The following LRIG3 variants were observed in gnomAD, a reference collection of about 807,000 sequenced individuals.
The protein encoded by LRIG3 is leucine-rich repeats and immunoglobulin-like domains protein 3.
A neutral mutation model predicts 114.5 loss-of-function variants in LRIG3; 76 were observed. That is an observed-to-expected ratio of 0.66 (90% confidence interval 0.55 to 0.80). The LOEUF is 0.80. Among genes scored for constraint, LRIG3 ranks in the 30% least tolerant of loss-of-function variants. The pLI, the probability that LRIG3 is intolerant of heterozygous loss-of-function variation, is 0.00. For missense variants in LRIG3, 1,239 were observed against 1,382.8 expected, an observed-to-expected ratio of 0.90 and a Z score of 1.65; for synonymous variants, 512 against 519.8, an observed-to-expected ratio of 0.98 and a Z score of 0.20.
At position 58,872,449 on chromosome 12, in the gene LRIG3, A is replaced by G; in HGVS notation, c.*123T>C. 8.5e-7 allele frequency: 1 copy of G among 1,174,944 alleles called. No homozygotes were observed. Among genetic ancestry groups the G allele is most frequent in the South Asian group, 2.4e-5 (1 of 42,460 alleles). The allele number at this position is 1,174,944 out of a possible 1,614,324, so 72.8% of individuals were successfully genotyped here. A position where few individuals can be genotyped will look rare whatever the true frequency, so the allele number is the denominator to read the frequency against. ...TTTTGTAATTTTGGTTCATCTGTATAAATAAAGCATTTTTATCCTTTTAAA... is the reference window on the plus strand; with the variant it reads ...TTTTGTAATTTTGGTTCATCTGTATGAATAAAGCATTTTTATCCTTTTAAA... On this transcript the variant is annotated 3_prime_UTR_variant, in exon 19 of 19. Transcript: ENST00000320743.
intron 16 of LRIG3, among the ~76,000 whole-genome samples, 155 bp downstream of exon 16, chr12:58,876,290 G>A (rs763015624): frequency 6.6e-6 from 1 of 152,022 alleles, no homozygotes; most frequent in Admixed American, 6.6e-5. Context: ...TTAAGAGAAC[G>A]GTATAGAACT....
chr12:58,886,663 G>C, intron 9 of LRIG3, 147 bp downstream of exon 9: 1 of 570,556 alleles, frequency 1.8e-6, no homozygotes. Flanking sequence ...CGCAACAGCA[G>C]GCATTTGGGG....
At chr12:58,912,373 G>A (rs1177775282) in intron 3 of LRIG3, among the ~76,000 whole-genome samples, 1 of 152,138 alleles carries the variant, frequency 6.6e-6, no homozygotes, top group Non-Finnish European at 1.5e-5. Context: ...GCGGACGCCT[G>A]TAGTCCCAGC....
rs77233148 is a variant in LRIG3 at position 58,906,951 on chromosome 12, T to TA, written c.383+7030dup. On this transcript the variant is annotated intron_variant, in intron 3 of 18. Coordinates refer to ENST00000320743, the MANE Select transcript of LRIG3 (RefSeq NM_153377.5). Reference sequence around the variant, plus strand: ...ACTGTAGTCATTTTATTCCCCTGCTTAAAAAAAAAAAAAAAAGTCTTCAAT... The same window carrying TA: ...ACTGTAGTCATTTTATTCCCCTGCTTAAAAAAAAAAAAAAAAAGTCTTCAAT... Among the ~76,000 whole-genome samples, 668 of 132,706 alleles carry TA rather than the reference T, an allele frequency of 5.0e-3. 5 individuals carry two copies. The highest frequency in any genetic ancestry group is 0.016 in the Middle Eastern group (4 of 252). 87.1% of individuals were successfully genotyped at this position (132,706 alleles called of 152,430 possible).
chr12:58,915,038 T>TA (rs1872426173), intron 1 of LRIG3, among the ~76,000 whole-genome samples: 5 of 152,226 alleles, frequency 3.3e-5, no homozygotes. Context: ...TAACTCAATT[T>TA]AACTTAGTAA....
At position 58,898,134 on chromosome 12, in the gene LRIG3, G is replaced by A. The variant is rs1039369406; in HGVS notation, c.384-7338C>T. ...CCATTACTGCTGCCAGCCAGAAAGC[G>A]TAAACATAAAACTGTGATACTCTAT... is the stretch of plus-strand genomic sequence containing the variant. On this transcript the variant is annotated intron_variant, in intron 3 of 18. Coordinates refer to ENST00000320743, the MANE Select transcript of LRIG3 (RefSeq NM_153377.5). Among the ~76,000 whole-genome samples, 4 of 152,304 alleles carry A rather than the reference G, an allele frequency of 2.6e-5. No homozygotes were observed. In the East Asian group the frequency reaches 7.7e-4, roughly 29 times the overall value.
At chr12:58,880,944 C>T (rs1244897717) in intron 12 of LRIG3, 43 bp from the exon 13 acceptor site, 10 of 1,564,028 alleles carry the variant, frequency 6.4e-6, no homozygotes, top group Non-Finnish European at 8.7e-6. Flanking sequence ...TGTTAAGGCT[C>T]AAGAGTCCAA....
chr12:58,913,518 A>C (rs2291800), intron 3 of LRIG3: 24,195 of 152,680 alleles, frequency 0.16, 2,430 homozygotes, highest in African/African-American at 0.25. Flanking sequence ...ACTCTGATTT[A>C]CACTGCAGGT....
At chr12:58,877,972 GAC>G (rs753161865) in intron 14 of LRIG3, 120 bp from the exon 15 acceptor site, 124 of 971,862 alleles carry the variant, frequency 1.3e-4, no homozygotes, top group Middle Eastern at 3.3e-4. Flanking sequence ...CAACTTACTG[GAC>G]ACACTTTTCT....
intron 1 of LRIG3, among the ~76,000 whole-genome samples, chr12:58,916,353 A>T (rs1872482405): frequency 6.6e-6 from 1 of 152,186 alleles, no homozygotes; most frequent in African/African-American, 2.4e-5. Context: ...TTAAAACTAC[A>T]TTATATGTAG....
chr12:58,903,477 A>C (rs1292777801), intron 3 of LRIG3, among the ~76,000 whole-genome samples: 1 of 152,086 alleles, frequency 6.6e-6, no homozygotes, highest in Non-Finnish European at 1.5e-5. Flanking sequence ...CCTTTGTCAG[A>C]TGAGTAGGTT....
intron 1 of LRIG3, 120 bp downstream of exon 1, chr12:58,919,880 G>T: frequency 9.6e-7 from 1 of 1,039,692 alleles, no homozygotes; most frequent in Non-Finnish European, 1.4e-6. Context: ...TCGCGGCCTG[G>T]GCCAGAAGGA....
intron 12 of LRIG3, 48 bp from the exon 13 acceptor site, chr12:58,880,949 G>A: frequency 1.3e-6 from 2 of 1,533,080 alleles, no homozygotes; most frequent in South Asian, 1.2e-5. Context: ...AGGCTCAAGA[G>A]TCCAAATACT....
intron 10 of LRIG3, among the ~76,000 whole-genome samples, chr12:58,885,621 A>G (rs1871251543): frequency 6.6e-6 from 1 of 152,188 alleles, no homozygotes. Context: ...ATACAAAGGA[A>G]AGCATACACC....
Position 58,919,626 on chromosome 12 carries a change from A to G in LRIG3, c.236+374T>C, listed in dbSNP as rs1415199313. ...ACTCATAACTCAGCGAGAACTGCAA[A>G]CTCCTGATGTGTGCAGGTTGCCGCT... is the stretch of plus-strand genomic sequence containing the variant. On this transcript the variant is annotated intron_variant, in intron 1 of 18. Transcript: ENST00000320743. 2.0e-6 allele frequency: 3 copies of G among 1,476,690 alleles called. No individual in the cohort carries two copies. The African/African-American group carries it at 4.2e-5, about 21-fold the overall frequency. 91.5% of individuals were successfully genotyped at this position (1,476,690 alleles called of 1,614,324 possible).
At chr12:58,916,727 T>C (rs1872494860) in intron 1 of LRIG3, among the ~76,000 whole-genome samples, 1 of 152,240 alleles carries the variant, frequency 6.6e-6, no homozygotes. Context: ...AAGTGTTAAC[T>C]GTACCCAGAG....
intron 3 of LRIG3, among the ~76,000 whole-genome samples, chr12:58,908,187 C>T (rs374444551): frequency 1.2e-4 from 19 of 152,248 alleles, no homozygotes; most frequent in African/African-American, 4.1e-4. Flanking sequence ...CAGCAGATGG[C>T]GGAAAACCAT....
rs781136560 is a variant in LRIG3, at chr12:58,888,784, C to T, written c.803+35G>A. 3.1e-6 allele frequency: 5 copies of T among 1,607,408 alleles called. No homozygotes were observed. The Admixed American group carries it at 8.5e-5, about 27-fold the overall frequency. ...GTACACTGAGCATTCTATGATCATA[C>T]TACCTCAGTAGGAACTGTGATAACC... On this transcript the variant is annotated intron_variant, in intron 6 of 18. Transcript: ENST00000320743.
intron 3 of LRIG3, among the ~76,000 whole-genome samples, chr12:58,898,824 A>G (rs1405600182): frequency 2.6e-5 from 4 of 151,444 alleles, no homozygotes; most frequent in Non-Finnish European, 4.4e-5. Flanking sequence ...ACGCCCAGCT[A>G]ATTTTTGTAT....
Sources: allele counts gnomAD v4.1 joint callset (sites outside exome capture counted in the v4.1 genomes callset), GRCh38; gene constraint gnomAD v4.1.1; transcripts MANE v1.5; gene names NCBI Gene and HGNC (gene_info 2026-07-23, HGNC 2026-07-21).